Variants in PIGN observed in about 807,000 individuals in gnomAD.
PIGN encodes phosphatidylinositol glycan anchor biosynthesis class N, also known as GPI ethanolamine phosphate transferase 1.
PIGN carries 117 observed loss-of-function variants against 125.4 expected under a neutral mutation model. The observed-to-expected ratio is 0.93, with a 90% CI of 0.80 to 1.09. The LOEUF (loss-of-function observed/expected upper bound fraction) is 1.09, where lower values mean the gene tolerates loss of function less well. PIGN is among the 50% of genes least tolerant of loss of function. The pLI is 0.00. For synonymous variants in PIGN, 392 were observed against 377.8 expected, an observed-to-expected ratio of 1.04 and a Z score of -0.44; for missense variants, 1,075 against 1,094.9, an observed-to-expected ratio of 0.98 and a Z score of 0.26.
chr18:62,048,434 G>A (rs573872549), intron 30 of PIGN, among the ~76,000 whole-genome samples: 2 of 152,216 alleles, frequency 1.3e-5, no homozygotes, highest in East Asian at 3.9e-4. Flanking sequence ...GAATTTGAAA[G>A]CAGTGAGAAA....
intron 23 of PIGN, among the ~76,000 whole-genome samples, chr18:62,035,957 G>A (rs2030255793): frequency 6.6e-6 from 1 of 152,124 alleles, no homozygotes; most frequent in Admixed American, 6.5e-5. Context: ...CATGGACTCA[G>A]TCATCATCCA....
intron 1 of PIGN, among the ~76,000 whole-genome samples, chr18:62,165,110 C>T (rs2037085468): frequency 6.6e-6 from 1 of 152,164 alleles, no homozygotes; most frequent in African/African-American, 2.4e-5. Flanking sequence ...GCACTGAGTT[C>T]TCACTCTGGA....
chr18:62,098,310 C>G (rs978848133), intron 22 of PIGN, among the ~76,000 whole-genome samples: 1 of 152,018 alleles, frequency 6.6e-6, no homozygotes, highest in African/African-American at 2.4e-5. Context: ...GACTTTTTTT[C>G]CAGATGTGTA....
intron 14 of PIGN, among the ~76,000 whole-genome samples, chr18:62,132,015 A>C (rs2035757887): frequency 1.3e-5 from 2 of 152,094 alleles, no homozygotes. Flanking sequence ...GAACAAAAAA[A>C]AATGATGCTT....
intron 1 of PIGN, among the ~76,000 whole-genome samples, chr18:62,178,828 A>T (rs922724682): frequency 3.3e-5 from 5 of 152,190 alleles, no homozygotes; most frequent in Non-Finnish European, 7.3e-5. Flanking sequence ...TCTCATGGCA[A>T]GTAGACTAGA....
intron 23 of PIGN, among the ~76,000 whole-genome samples, chr18:62,024,623 G>C (rs1429100307): frequency 6.6e-6 from 1 of 152,052 alleles, no homozygotes; most frequent in Non-Finnish European, 1.5e-5. Flanking sequence ...GGCCCCCCTT[G>C]TTTCTTTCTA....
rs199959895 is a variant in PIGN, at chr18:62,074,818, A to T, written c.2580T>A (p.Leu860=). ...CTGATATGACGAGAACAATGAGAAA[A>T]AGGCTGGAAAAAAAAAGAAGGAAAA... ...QLTTQLSSKS[L]FLIVLVISDI... The change falls in exon 29 of 31, where the codon CTT becomes CTA. Residue 860 remains leucine (L), a synonymous_variant. Transcript: ENST00000640252. 417 of 1,605,074 alleles carry T rather than the reference A, an allele frequency of 2.6e-4. No individual in the cohort carries two copies. The highest frequency in any genetic ancestry group is 3.3e-4 in the Non-Finnish European group (385 of 1,173,506).
intron 23 of PIGN, among the ~76,000 whole-genome samples, chr18:62,017,918 C>T (rs2030001447): frequency 6.6e-6 from 1 of 152,198 alleles, no homozygotes; most frequent in Admixed American, 6.5e-5. Context: ...TATTACCACC[C>T]TGAACAAAAC....
chr18:62,173,522 T>C (rs916389937), intron 1 of PIGN, among the ~76,000 whole-genome samples: 1 of 152,178 alleles, frequency 6.6e-6, no homozygotes, highest in African/African-American at 2.4e-5. Flanking sequence ...GTGTAAGCCA[T>C]TGCACCCAGC....
chr18:62,139,961 A>T (rs2036075447), intron 12 of PIGN, among the ~76,000 whole-genome samples: 1 of 152,194 alleles, frequency 6.6e-6, no homozygotes, highest in Non-Finnish European at 1.5e-5. Context: ...ATTTCCCTTT[A>T]AACGAAGTCA....
chr18:62,143,963 G>C (rs567934488), intron 10 of PIGN, among the ~76,000 whole-genome samples: 1 of 152,188 alleles, frequency 6.6e-6, no homozygotes, highest in Non-Finnish European at 1.5e-5. Flanking sequence ...TGATTTAATG[G>C]CTTTAGGATA....
chr18:62,161,965 C>G (rs1319255376), intron 3 of PIGN, among the ~76,000 whole-genome samples: 1 of 152,028 alleles, frequency 6.6e-6, no homozygotes, highest in Admixed American at 6.6e-5. Flanking sequence ...TGTATTCTAT[C>G]ACATTTGGCA....
chr18:62,144,140 G>GA (rs949282539), intron 10 of PIGN, among the ~76,000 whole-genome samples: 28 of 152,206 alleles, frequency 1.8e-4, no homozygotes, highest in African/African-American at 6.7e-4. Context: ...ATTCATATGA[G>GA]AAAAAATACA....
chr18:62,074,764 C>G lies in PIGN; in HGVS notation c.2619+15G>C, dbSNP rs755522112. ...TCTTAATCTAATTTATATGGACTAC[C>G]CAGTAATGCCTTACCAAAGCCATAA... On this transcript the variant is annotated intron_variant, in intron 29 of 30. Transcript: ENST00000640252. 2.3e-5 allele frequency: 35 copies of G among 1,548,056 alleles called. No homozygotes were observed. In the South Asian group the frequency reaches 3.9e-4, roughly 17 times the overall value.
chr18:62,157,851 A>C (rs1467408499), intron 4 of PIGN, 43 bp from the exon 5 acceptor site: 70 of 1,530,544 alleles, frequency 4.6e-5, no homozygotes, highest in Non-Finnish European at 5.7e-5. Flanking sequence ...GACTATGATT[A>C]GATACTCTCA....
intron 30 of PIGN, among the ~76,000 whole-genome samples, chr18:62,067,621 G>T (rs2032599393): frequency 6.6e-6 from 1 of 152,130 alleles, no homozygotes; most frequent in African/African-American, 2.4e-5. Flanking sequence ...TAAAGTATCT[G>T]ATAGTCATCC....
intron 30 of PIGN, among the ~76,000 whole-genome samples, chr18:62,063,283 T>C (rs111600393): frequency 4.8e-5 from 7 of 146,410 alleles, no homozygotes; most frequent in East Asian, 4.1e-4. Flanking sequence ...TATGGTTTTA[T>C]AGATTTTAGC....
At chr18:62,132,497 C>A (rs992550919) in intron 14 of PIGN, among the ~76,000 whole-genome samples, 1 of 152,062 alleles carries the variant, frequency 6.6e-6, no homozygotes, top group African/African-American at 2.4e-5. Context: ...ATTTAGTATT[C>A]CACCTGGTTC....
At chr18:62,036,232 A>G (rs2030259091), downstream of PIGN, among the ~76,000 whole-genome samples, 1 of 150,218 alleles carries the variant, frequency 6.7e-6, no homozygotes, top group Non-Finnish European at 1.5e-5. Context: ...TTTTCTTTTT[A>G]ATTGTTGTTG....
Sources: gnomAD v4.1 joint callset for allele counts (sites outside exome capture counted in the v4.1 genomes callset) on GRCh38, gnomAD v4.1.1 for gene constraint, MANE v1.5 for transcripts, NCBI Gene and HGNC (gene_info 2026-07-23, HGNC 2026-07-21) for gene names.